The following DNM2 variants were observed in gnomAD, a reference collection of about 807,000 sequenced individuals.
The protein encoded by DNM2 is dynamin-2.
Under a neutral mutation model 99.0 loss-of-function variants are expected in DNM2, and 15 were observed. That is an observed-to-expected ratio of 0.15 (90% CI 0.10 to 0.23). DNM2 has a LOEUF of 0.23. Ranked by LOEUF, DNM2 falls within the 10% of genes least tolerant of loss-of-function variation. The pLI is 1.00. For synonymous variants in DNM2, 525 were observed against 481.2 expected, an observed-to-expected ratio of 1.09 and a Z score of -1.19; for missense variants, 742 against 1,189.4, an observed-to-expected ratio of 0.62 and a Z score of 5.53.
Position 10,830,155 on chromosome 19 carries a change from A to G in DNM2, c.2320A>G (p.Ser774Gly), listed in dbSNP as rs769893011. The part of the protein sequence containing the change: ...SPTPQRRPVS[S>G]IHPPGRPPAV... ...CACTCCACAGCGCCGACCGGTGTCC[A>G]GCATACACCCCCCTGGCCGGCCCCC... The change falls in exon 20 of 21, where the codon AGC (serine) becomes GGC (glycine). Residue 774 changes from serine to glycine, a missense_variant. This residue lies in a region of DNM2 where 187 missense variants were observed against 218.8 expected (regional missense o/e 0.85). Transcript: ENST00000389253. This position sits in a 1 kb window ranked among gnomAD's most constrained non-coding sequence, Gnocchi z 4.8. The G allele has an allele frequency of 1.2e-6, 2 of 1,613,616 alleles. No individual in the cohort carries two copies. The highest frequency in any genetic ancestry group is 1.1e-5 in the South Asian group (1 of 91,074).
At chr19:10,821,839 C>T (rs1423322438) in intron 16 of DNM2, among the ~76,000 whole-genome samples, 1 of 152,050 alleles carries the variant, frequency 6.6e-6, no homozygotes, top group Non-Finnish European at 1.5e-5. Context: ...CCCAAAACCC[C>T]GACTTCTACT....
chr19:10,734,865 C>G (rs1168583402), intron 1 of DNM2, among the ~76,000 whole-genome samples: 3 of 149,534 alleles, frequency 2.0e-5, no homozygotes, highest in Non-Finnish European at 4.4e-5. Context: ...AAGCCTTTTT[C>G]TGGTCTGGGA....
At position 10,772,552 on chromosome 19, in the gene DNM2, A is replaced by G. The variant is rs373377993; in HGVS notation, c.309A>G (p.Ala103=). The change falls in exon 3 of 21, where the codon GCA becomes GCG. Residue 103 remains alanine (A), a synonymous_variant. Transcript: ENST00000389253. This position sits in a 1 kb window ranked among gnomAD's most constrained non-coding sequence, Gnocchi z 4.9. ...ATGAAGTCCGGCAGGAGATTGAAGC[A>G]GAGACCGACAGGGTCACGGGGACCA... The part of the protein sequence containing the change: ...DFDEVRQEIE[A]ETDRVTGTNK... 1.9e-6 allele frequency: 3 copies of G among 1,614,224 alleles called. No individual in the cohort carries two copies. Among genetic ancestry groups the G allele is most frequent in the Non-Finnish European group, 2.5e-6 (3 of 1,180,038 alleles).
Position 10,775,460 on chromosome 19 carries a change from CCA to C in DNM2, c.386-242_386-241del, listed in dbSNP as rs1173640311. On this transcript the variant is annotated intron_variant, in intron 3 of 20. Transcript: ENST00000389253. This position sits in a 1 kb window ranked among gnomAD's most constrained non-coding sequence, Gnocchi z 4.3. Reference sequence around the variant, plus strand: ...ATTTATTCAGTCATTTAGGTCTATTCCAGTCTGAACTGTCCTGATTTAGAACT... The same window carrying C: ...ATTTATTCAGTCATTTAGGTCTATTCGTCTGAACTGTCCTGATTTAGAACT... Among the ~76,000 whole-genome samples, 2 of 152,172 alleles carry C rather than the reference CCA, an allele frequency of 1.3e-5. No homozygotes were observed. Among genetic ancestry groups the C allele is most frequent in the Non-Finnish European group, 2.9e-5 (2 of 68,046 alleles).
In DNM2 at chr19:10,817,791, G is replaced by GCA. The variant is rs1300265149; in HGVS notation, c.1672-2181_1672-2180dup. Among the ~76,000 whole-genome samples the GCA allele has an allele frequency of 1.4e-5, 2 of 143,652 alleles. No individual in the cohort carries two copies. Among genetic ancestry groups the GCA allele is most frequent in the Admixed American group, 6.8e-5 (1 of 14,688 alleles). The allele number at this position is 143,652 out of a possible 152,430, so 94.2% of individuals were successfully genotyped here. ...GGGGTCGGGGGTGGGGAGGAGGGGC[G>GCA]CACACACACGTGTGTGTGTGTGTGT... On this transcript the variant is annotated intron_variant, in intron 15 of 20. Coordinates refer to ENST00000389253, the MANE Select transcript of DNM2 (RefSeq NM_001005361.3). This position sits in a 1 kb window ranked among gnomAD's most constrained non-coding sequence, Gnocchi z 4.6.
chr19:10,792,993 T>G (rs1468332487), intron 7 of DNM2, among the ~76,000 whole-genome samples: 1 of 152,210 alleles, frequency 6.6e-6, no homozygotes, highest in South Asian at 2.1e-4. Flanking sequence ...TCCTCTCACC[T>G]CAGCATCCTA....
chr19:10,754,489 A>G (rs989417274), intron 1 of DNM2, among the ~76,000 whole-genome samples: 1 of 151,906 alleles, frequency 6.6e-6, no homozygotes, highest in East Asian at 1.9e-4. Flanking sequence ...CTGACCTCAT[A>G]ATCTGCCCGC....
At chr19:10,738,776 A>G (rs938769162) in intron 1 of DNM2, among the ~76,000 whole-genome samples, 1 of 151,658 alleles carries the variant, frequency 6.6e-6, no homozygotes, top group Admixed American at 6.6e-5. Flanking sequence ...AGGCTAAGGC[A>G]GGAGAAGTGC....
chr19:10,784,530 C>G (rs1175207509), intron 6 of DNM2, among the ~76,000 whole-genome samples: 1 of 152,184 alleles, frequency 6.6e-6, no homozygotes, highest in Non-Finnish European at 1.5e-5. Context: ...GGCTCAGCCT[C>G]CTTCCACGTG....
At chr19:10,738,971 A>G (rs2069636381) in intron 1 of DNM2, among the ~76,000 whole-genome samples, 1 of 151,892 alleles carries the variant, frequency 6.6e-6, no homozygotes, top group Admixed American at 6.6e-5. Context: ...GATTGAGACC[A>G]TCCTGGCTAA....
chr19:10,766,455 G>A (rs149000278), intron 2 of DNM2, among the ~76,000 whole-genome samples: 1 of 152,124 alleles, frequency 6.6e-6, no homozygotes, highest in African/African-American at 2.4e-5. Flanking sequence ...TGCACCTGTG[G>A]CTCCCTTCTG....
At chr19:10,822,390 T>A (rs928170735) in intron 16 of DNM2, among the ~76,000 whole-genome samples, 3 of 151,012 alleles carry the variant, frequency 2.0e-5, no homozygotes, top group African/African-American at 7.3e-5. Context: ...GGGGTGTTGC[T>A]GTGTTGCTCA....
chr19:10,826,176 C>T (rs61291288), intron 18 of DNM2, among the ~76,000 whole-genome samples: 7,993 of 152,278 alleles, frequency 0.052, 532 homozygotes, highest in East Asian at 0.36. Context: ...GGAGTGAACA[C>T]TGCAGGTGTG....
At chr19:10,802,501 G>A (rs948842992) in intron 12 of DNM2, 143 bp downstream of exon 12, 3 of 900,240 alleles carry the variant, frequency 3.3e-6, no homozygotes, top group Non-Finnish European at 5.4e-6. Flanking sequence ...AGAGCCAACT[G>A]AGAATATCTG....
intron 16 of DNM2, among the ~76,000 whole-genome samples, chr19:10,821,917 G>A (rs1229630297): frequency 6.6e-6 from 1 of 152,188 alleles, no homozygotes; most frequent in Non-Finnish European, 1.5e-5. Context: ...GCAGGAAGGA[G>A]AGGAGGAGCT....
At chr19:10,729,295 T>C (rs1019986059) in intron 1 of DNM2, among the ~76,000 whole-genome samples, 1 of 150,638 alleles carries the variant, frequency 6.6e-6, no homozygotes, top group Admixed American at 6.6e-5. Context: ...GAGGTGGAGG[T>C]TGCAGTAATC....
intron 2 of DNM2, among the ~76,000 whole-genome samples, chr19:10,762,805 G>A (rs2070677446): frequency 6.6e-6 from 1 of 152,102 alleles, no homozygotes; most frequent in South Asian, 2.1e-4. Context: ...CAGATCCTGT[G>A]GCTGTTGGTG....
rs1375606719 is a variant in DNM2, at chr19:10,718,247, G to A, written c.5G>A (p.Gly2Asp). Reference protein sequence around the residue: MGNRGMEELIPL... With the variant: MDNRGMEELIPL... Reference sequence around the variant, plus strand: ...GGGCCGGGGGCCGCCGGCGCCATGGGCAACCGCGGGATGGAAGAGCTGATC... The same window carrying A: ...GGGCCGGGGGCCGCCGGCGCCATGGACAACCGCGGGATGGAAGAGCTGATC... The change falls in exon 1 of 21, where the codon GGC becomes GAC. Residue 2 changes from glycine to aspartate, a missense_variant. Coordinates refer to ENST00000389253, the MANE Select transcript of DNM2 (RefSeq NM_001005361.3). 32 of 1,479,778 alleles carry A rather than the reference G, an allele frequency of 2.2e-5. No homozygotes were observed. Among genetic ancestry groups the A allele is most frequent in the Non-Finnish European group, 2.8e-5 (31 of 1,113,256 alleles). The allele number at this position is 1,479,778 out of a possible 1,614,324, so 91.7% of individuals were successfully genotyped here. A position where few individuals can be genotyped will look rare whatever the true frequency, so the allele number is the denominator to read the frequency against.
At chr19:10,735,380 C>T (rs1389021400) in intron 1 of DNM2, among the ~76,000 whole-genome samples, 1 of 152,158 alleles carries the variant, frequency 6.6e-6, no homozygotes, top group East Asian at 1.9e-4. Context: ...ACCAACAAGA[C>T]TGATAAATTA....
Sources: gnomAD v4.1 joint callset for allele counts (sites outside exome capture counted in the v4.1 genomes callset) on GRCh38, gnomAD v4.1.1 for gene constraint, gnomAD v4.1.1 regional missense constraint, Gnocchi (gnomAD v3.1) non-coding constraint, MANE v1.5 for transcripts, NCBI Gene and HGNC (gene_info 2026-07-23, HGNC 2026-07-21) for gene names.